The following VPS8 variants were observed in gnomAD, a reference collection of about 807,000 sequenced individuals.
VPS8 encodes VPS8 subunit of CORVET complex.
Under a neutral mutation model 216.4 loss-of-function variants are expected in VPS8, and 129 were observed. The ratio of observed to expected loss-of-function variants is 0.60; its 90% CI spans 0.52 to 0.69. VPS8 has a LOEUF of 0.69. Ranked by LOEUF, VPS8 falls within the 30% of genes least tolerant of loss-of-function variation. The pLI is 0.00. For synonymous variants in VPS8, 571 were observed against 565.4 expected (o/e 1.01, Z -0.14); for missense variants, 1,531 against 1,683.5 (o/e 0.91, Z 1.59).
chr3:185,032,174 C>A (rs1461355665), intron 46 of VPS8, among the ~76,000 whole-genome samples: 2 of 150,338 alleles, frequency 1.3e-5, no homozygotes, highest in Non-Finnish European at 3.0e-5. Flanking sequence ...AAAAAAAAAA[C>A]AAACAAGTTG....
Position 184,929,617 on chromosome 3 carries a change from CA to C in VPS8, c.2754del (p.Gln918HisfsTer54), listed in dbSNP as rs1740328940. ...TGAATTTATGTATGAAAGAGAACAC[CA>C]ATATGATAAAATTATTGATTGCTAC... Reference protein sequence around the residue: ...ICEFMYEREHQYDKIIDCYLR... With the variant: ...ICEFMYEREHXYDKIIDCYLR... On this transcript the variant is annotated frameshift_variant, in exon 33 of 48. Coordinates refer to ENST00000625842, the MANE Select transcript of VPS8 (RefSeq NM_001009921.3). LOFTEE classifies it high-confidence loss of function. 3 of 1,536,334 alleles carry C rather than the reference CA, an allele frequency of 2.0e-6. No homozygotes were observed. In the South Asian group the frequency reaches 3.7e-5, roughly 19 times the overall value.
intron 21 of VPS8, among the ~76,000 whole-genome samples, chr3:184,879,884 T>C (rs1021151688): frequency 3.3e-5 from 5 of 152,196 alleles, no homozygotes; most frequent in African/African-American, 1.2e-4. Context: ...GTAATCTGAT[T>C]CTGGGAAGCA....
At chr3:184,937,585 A>C (rs1393467588) in intron 35 of VPS8, among the ~76,000 whole-genome samples, 1 of 152,230 alleles carries the variant, frequency 6.6e-6, no homozygotes, top group African/African-American at 2.4e-5. Context: ...TGTGAAAAGT[A>C]CTGTAGGAAC....
chr3:185,048,174 C>G (rs1474330422), intron 46 of VPS8, among the ~76,000 whole-genome samples: 1 of 152,170 alleles, frequency 6.6e-6, no homozygotes, highest in Non-Finnish European at 1.5e-5. Flanking sequence ...CTAACTAGCT[C>G]TGCATAATGG....
intron 25 of VPS8, among the ~76,000 whole-genome samples, chr3:184,905,841 GT>G (rs981665888): frequency 2.7e-5 from 4 of 150,798 alleles, no homozygotes; most frequent in South Asian, 2.1e-4. Context: ...AAATGAAGAG[GT>G]TTTTTTTTAA....
intron 29 of VPS8, 76 bp downstream of exon 29, chr3:184,920,274 A>G (rs1738375974): frequency 1.0e-6 from 1 of 987,552 alleles, no homozygotes; most frequent in African/African-American, 1.7e-5. Flanking sequence ...AGCAGGTTAT[A>G]AAATAATCTT....
intron 46 of VPS8, among the ~76,000 whole-genome samples, chr3:185,026,902 G>C (rs1757448134): frequency 6.6e-6 from 1 of 151,464 alleles, no homozygotes; most frequent in African/African-American, 2.4e-5. Context: ...GTAGAGACAG[G>C]ATTTCACCAT....
intron 1 of VPS8, chr3:184,812,614 C>T (rs569824368): frequency 7.1e-4 from 108 of 152,390 alleles, no homozygotes; most frequent in African/African-American, 2.5e-3. Context: ...CTCTCCCTTT[C>T]TGCAAAGGGC....
chr3:184,954,808 TAAAATA>T (rs1398590818), intron 36 of VPS8, among the ~76,000 whole-genome samples: 3 of 152,178 alleles, frequency 2.0e-5, no homozygotes, highest in Non-Finnish European at 4.4e-5. Flanking sequence ...AGAAAATAGT[TAAAATA>T]AGAATAGTTA....
At chr3:184,814,140 A>C (rs1715794345) in intron 1 of VPS8, among the ~76,000 whole-genome samples, 1 of 152,248 alleles carries the variant, frequency 6.6e-6, no homozygotes, top group Non-Finnish European at 1.5e-5. Flanking sequence ...TTTTTTAGTC[A>C]AAGATATTTC....
intron 18 of VPS8, 186 bp downstream of exon 18, chr3:184,868,245 T>C: frequency 1.7e-6 from 1 of 579,294 alleles, no homozygotes; most frequent in Non-Finnish European, 3.0e-6. Flanking sequence ...ATTAGGTTTG[T>C]CTACATATAT....
intron 29 of VPS8, among the ~76,000 whole-genome samples, chr3:184,920,703 T>A (rs1011887573): frequency 8.5e-5 from 13 of 152,218 alleles, no homozygotes; most frequent in African/African-American, 3.1e-4. Flanking sequence ...ATGCTGTTGC[T>A]AATGAAGAAT....
At chr3:184,978,991 A>G (rs755412399) in intron 40 of VPS8, among the ~76,000 whole-genome samples, 5 of 152,178 alleles carry the variant, frequency 3.3e-5, no homozygotes, top group Non-Finnish European at 5.9e-5. Context: ...AGATTCTGGT[A>G]TGCTGTATCT....
At position 184,971,620 on chromosome 3, in the gene VPS8, A is replaced by T. The variant is rs1260042149; in HGVS notation, c.3317-29A>T. On this transcript the variant is annotated intron_variant, in intron 39 of 47. Transcript: ENST00000625842. Reference sequence around the variant, plus strand: ...TGAGATTATCAGCAACATATCCTTAAATGATGTTTACACTTTTTCTAAATC... The same window carrying T: ...TGAGATTATCAGCAACATATCCTTATATGATGTTTACACTTTTTCTAAATC... The T allele has an allele frequency of 1.9e-6, 3 of 1,567,138 alleles. No homozygotes were observed. The South Asian group carries it at 3.5e-5, about 18-fold the overall frequency.
In VPS8 at chr3:184,949,514, C is replaced by T. The variant is rs574285381; in HGVS notation, c.3036-7860C>T. Among the ~76,000 whole-genome samples, 7 of 151,534 alleles carry T rather than the reference C, an allele frequency of 4.6e-5. No individual in the cohort carries two copies. The East Asian group carries it at 7.8e-4, about 17-fold the overall frequency. On this transcript the variant is annotated intron_variant, in intron 36 of 47. Transcript: ENST00000625842. ...GAGGGATTGTGGCTGTTCCTATATG[C>T]GGAAATACTGTTAGCTATGTGGATC...
intron 33 of VPS8, among the ~76,000 whole-genome samples, 153 bp downstream of exon 33, chr3:184,929,817 A>G (rs542538097): frequency 1.3e-5 from 2 of 152,358 alleles, no homozygotes; most frequent in East Asian, 1.9e-4. Context: ...TTTGGAATGT[A>G]TAATTTAGTG....
intron 37 of VPS8, among the ~76,000 whole-genome samples, chr3:184,959,932 G>A (rs1746223317): frequency 6.6e-6 from 1 of 151,696 alleles, no homozygotes; most frequent in Non-Finnish European, 1.5e-5. Context: ...TTGGTGTGCT[G>A]CACCCATCAA....
intron 46 of VPS8, among the ~76,000 whole-genome samples, chr3:185,029,526 C>T (rs1401820060): frequency 1.3e-5 from 2 of 151,754 alleles, no homozygotes; most frequent in East Asian, 1.9e-4. Context: ...TCCACTCTGC[C>T]GCTGCATGTC....
At chr3:185,010,189 G>T (rs1038231115) in intron 45 of VPS8, among the ~76,000 whole-genome samples, 15 of 152,122 alleles carry the variant, frequency 9.9e-5, no homozygotes, top group African/African-American at 3.4e-4. Context: ...CTGCTGCTTT[G>T]ATCTCACCTA....
Sources: gnomAD v4.1 joint callset for allele counts (sites outside exome capture counted in the v4.1 genomes callset) on GRCh38, gnomAD v4.1.1 for gene constraint, MANE v1.5 for transcripts, NCBI Gene and HGNC (gene_info 2026-07-23, HGNC 2026-07-21) for gene names.